The following RRAGB variants were observed in gnomAD, a reference collection of about 807,000 sequenced individuals.
The protein encoded by RRAGB is ras-related GTP-binding protein B.
Under a neutral mutation model 29.3 loss-of-function variants are expected in RRAGB, and 6 were observed. That is an observed-to-expected ratio of 0.21 (90% confidence interval 0.11 to 0.40). The LOEUF is 0.40. Ranked by LOEUF, RRAGB falls within the 10% of genes least tolerant of loss-of-function variation. The pLI is 1.00. For missense variants in RRAGB, 184 were observed against 272.9 expected (o/e 0.67, Z 2.29); for synonymous variants, 101 against 92.5 (o/e 1.09, Z -0.53).
chrX:55,733,066 C>T (rs1351929025), intron 5 of RRAGB, among the ~76,000 whole-genome samples: 1 of 110,922 alleles, frequency 9.0e-6, no homozygotes, highest in Non-Finnish European at 1.9e-5. Context: ...GTGCATTCAT[C>T]ACTTAAATAG....
intron 9 of RRAGB, among the ~76,000 whole-genome samples, chrX:55,757,657 A>T (rs1233214905): frequency 2.7e-5 from 3 of 112,057 alleles, no homozygotes; most frequent in African/African-American, 9.7e-5. Context: ...TTCAAAAAGC[A>T]AGTCACTAAA....
Position 55,718,128 on chromosome X carries a change from C to T in RRAGB, c.-200C>T. On this transcript the variant is annotated 5_prime_UTR_variant, in exon 1 of 10. Transcript: ENST00000374941. ...TAGCCAGCTCGGCCGTGCCTTGAGG[C>T]CAGGTTCGAGAGATAAAGGTAACCG... 1 of 313,173 alleles carries T rather than the reference C, an allele frequency of 3.2e-6. No individual in the cohort carries two copies. The highest frequency in any genetic ancestry group is 5.6e-6 in the Non-Finnish European group (1 of 177,856). The allele number at this position is 313,173 out of a possible 1,213,427, so 25.8% of individuals were successfully genotyped here.
At chrX:55,749,239 G>A (rs1379596659) in intron 5 of RRAGB, among the ~76,000 whole-genome samples, 7 of 89,644 alleles carry the variant, frequency 7.8e-5, no homozygotes, top group Non-Finnish European at 1.6e-4. Context: ...GGTGAGGGGC[G>A]CCTCTGCCCG....
intron 4 of RRAGB, 66 bp downstream of exon 4, chrX:55,729,426 C>A: frequency 1.5e-6 from 1 of 670,453 alleles, no homozygotes; most frequent in Non-Finnish European, 2.4e-6. Flanking sequence ...AGTATATCAG[C>A]ATGGCGAATA....
intron 5 of RRAGB, among the ~76,000 whole-genome samples, chrX:55,748,837 C>T (rs2034371871): frequency 9.9e-6 from 1 of 100,833 alleles, no homozygotes; most frequent in African/African-American, 3.7e-5. Context: ...GTGAGGGGTG[C>T]CTCTGCCCAG....
intron 5 of RRAGB, among the ~76,000 whole-genome samples, chrX:55,745,190 C>A (rs1336321203): frequency 1.8e-5 from 2 of 112,180 alleles, no homozygotes; most frequent in African/African-American, 3.2e-5. Context: ...ATAATGTCAT[C>A]AATGTAATGG....
At chrX:55,753,309 C>T (rs1386117067) in intron 6 of RRAGB, 83 bp from the exon 7 acceptor site, 1 of 860,272 alleles carries the variant, frequency 1.2e-6, no homozygotes, top group African/African-American at 2.0e-5. Flanking sequence ...TTGCTGTCCA[C>T]ATATTATAGT....
chrX:55,751,546 A>G, intron 6 of RRAGB: 1 of 136,810 alleles, frequency 7.3e-6, no homozygotes, highest in East Asian at 2.0e-4. Context: ...TCTAGTATTC[A>G]GGTACTTCTA....
intron 5 of RRAGB, among the ~76,000 whole-genome samples, chrX:55,737,647 G>A (rs768895667): frequency 1.5e-4 from 17 of 112,549 alleles, no homozygotes; most frequent in African/African-American, 5.2e-4. Context: ...GTCCCACAGG[G>A]TGCTCCCTTG....
chrX:55,734,655 T>C (rs377061447), intron 5 of RRAGB, among the ~76,000 whole-genome samples: 15 of 112,143 alleles, frequency 1.3e-4, no homozygotes, highest in Admixed American at 9.4e-4. Flanking sequence ...TCTTATTTCT[T>C]TTCTTCTGCT....
intron 5 of RRAGB, among the ~76,000 whole-genome samples, chrX:55,740,110 C>T (rs955046704): frequency 9.0e-6 from 1 of 111,334 alleles, no homozygotes; most frequent in African/African-American, 3.3e-5. Context: ...ATCACAAGGT[C>T]AGGAGATCGA....
Position 55,753,446 on chromosome X carries a change from A to G in RRAGB, c.667A>G (p.Asn223Asp), listed in dbSNP as rs2034575642. Residue 223 changes from asparagine to aspartate, a missense_variant, in exon 7 of 10, where the codon AAC becomes GAC. Asn to Asp is a conservative substitution (Grantham distance 23). Transcript: ENST00000374941. ...LIPNVQQLEMNLRNFAEIIEA... is the reference protein window; with the variant it reads ...LIPNVQQLEMDLRNFAEIIEA... ...TCCCAATGTTCAGCAGCTGGAAATG[A>G]ACCTAAGGAATTTTGCTGAAATTAT... 4.2e-6 allele frequency: 5 copies of G among 1,202,024 alleles called. No homozygotes were observed. In the African/African-American group the frequency reaches 7.0e-5, roughly 17 times the overall value.
chrX:55,743,449 G>A (rs915592628), intron 5 of RRAGB, among the ~76,000 whole-genome samples: 2 of 112,258 alleles, frequency 1.8e-5, no homozygotes, highest in Non-Finnish European at 3.8e-5. Context: ...AGTCATGGCT[G>A]TAGTCAGATC....
intron 3 of RRAGB, among the ~76,000 whole-genome samples, chrX:55,725,346 G>A (rs972656470): frequency 9.0e-6 from 1 of 111,262 alleles, no homozygotes; most frequent in Non-Finnish European, 1.9e-5. Context: ...ATATTATGTT[G>A]GTCTTAAGGC....
At chrX:55,725,902 G>A (rs1458476890) in intron 3 of RRAGB, among the ~76,000 whole-genome samples, 1 of 110,332 alleles carries the variant, frequency 9.1e-6, no homozygotes, top group Non-Finnish European at 1.9e-5. Context: ...TTTCTGCCCC[G>A]TAAGTGTGTG....
intron 7 of RRAGB, 28 bp downstream of exon 7, chrX:55,753,542 C>T: frequency 8.7e-7 from 1 of 1,152,863 alleles, no homozygotes; most frequent in Non-Finnish European, 1.2e-6. Context: ...TGCAGATGTA[C>T]TTCACACTGT....
At chrX:55,749,204 G>A (rs1208876878) in intron 5 of RRAGB, among the ~76,000 whole-genome samples, 4 of 81,031 alleles carry the variant, frequency 4.9e-5, no homozygotes, top group South Asian at 7.2e-4. Flanking sequence ...TCAGCCCCCC[G>A]CCTGGCCAGC....
intron 5 of RRAGB, among the ~76,000 whole-genome samples, chrX:55,748,968 C>T (rs1490593933): frequency 1.5e-5 from 1 of 68,313 alleles, no homozygotes; most frequent in Admixed American, 1.8e-4. Flanking sequence ...GTGGGGGAGT[C>T]AGCCCCCCCG....
At chrX:55,751,389 A>G in intron 6 of RRAGB, 193 bp downstream of exon 6, 1 of 354,305 alleles carries the variant, frequency 2.8e-6, no homozygotes. Flanking sequence ...TTGATCTTAT[A>G]TTGGGTTGAC....
Sources: gnomAD v4.1 joint callset for allele counts (sites outside exome capture counted in the v4.1 genomes callset) on GRCh38, gnomAD v4.1.1 for gene constraint, MANE v1.5 for transcripts, NCBI Gene and HGNC (gene_info 2026-07-23, HGNC 2026-07-21) for gene names.